The following RIN3 variants were observed in gnomAD, a reference collection of about 807,000 sequenced individuals.
RIN3 encodes Ras and Rab interactor 3.
RIN3 carries 54 observed loss-of-function variants against 76.3 expected under a neutral mutation model. That is an observed-to-expected ratio of 0.71 (90% CI 0.57 to 0.89). The LOEUF is 0.89. Among genes scored for constraint, RIN3 ranks in the 40% least tolerant of loss-of-function variants. RIN3 has a pLI of 0.00. For missense variants in RIN3, 1,256 were observed against 1,322.1 expected, an observed-to-expected ratio of 0.95 and a Z score of 0.78; for synonymous variants, 576 against 564.0, an observed-to-expected ratio of 1.02 and a Z score of -0.30.
At chr14:92,549,827 A>T (rs1486710414) in intron 1 of RIN3, among the ~76,000 whole-genome samples, 1 of 152,144 alleles carries the variant, frequency 6.6e-6, no homozygotes, top group Admixed American at 6.5e-5. Flanking sequence ...TCTATTCCCC[A>T]TGAGTGGGAG....
intron 1 of RIN3, among the ~76,000 whole-genome samples, chr14:92,551,724 T>C (rs141250763): frequency 6.6e-6 from 1 of 152,366 alleles, no homozygotes; most frequent in East Asian, 1.9e-4. Flanking sequence ...TTTTTTCACC[T>C]GCTTATTGTC....
intron 1 of RIN3, among the ~76,000 whole-genome samples, chr14:92,537,161 A>G (rs1472637270): frequency 6.6e-6 from 1 of 152,120 alleles, no homozygotes; most frequent in East Asian, 1.9e-4. Flanking sequence ...TTTCTTTCCA[A>G]CAAGGGAGTA....
chr14:92,570,305 G>T (rs1898028593), intron 2 of RIN3, among the ~76,000 whole-genome samples: 1 of 135,330 alleles, frequency 7.4e-6, no homozygotes, highest in African/African-American at 2.8e-5. Context: ...GCACCCCAGA[G>T]TTCCCTCGTG....
intron 3 of RIN3, among the ~76,000 whole-genome samples, chr14:92,582,248 G>A (rs538398270): frequency 1.1e-3 from 173 of 152,158 alleles, no homozygotes; most frequent in Non-Finnish European, 2.4e-4. Flanking sequence ...TTCCTCCCAG[G>A]GCCGTGTGGC....
chr14:92,584,551 G>A (rs1468740071), intron 3 of RIN3, among the ~76,000 whole-genome samples: 4 of 152,186 alleles, frequency 2.6e-5, no homozygotes, highest in Non-Finnish European at 5.9e-5. Context: ...TGCACAAAGG[G>A]AACAAGAGAT....
chr14:92,519,011 C>G (rs774419839), intron 1 of RIN3, among the ~76,000 whole-genome samples: 11 of 152,110 alleles, frequency 7.2e-5, no homozygotes, highest in Non-Finnish European at 1.0e-4. Context: ...CCCTCTGGAC[C>G]TCATTTTCCC....
At chr14:92,583,669 A>G (rs752814138) in intron 3 of RIN3, among the ~76,000 whole-genome samples, 2 of 152,268 alleles carry the variant, frequency 1.3e-5, no homozygotes, top group South Asian at 4.1e-4. Context: ...GAAGTAACCT[A>G]GAAATGATTT....
intron 6 of RIN3, 92 bp downstream of exon 6, chr14:92,653,167 G>GGCACCAACAGCGTCC: frequency 7.4e-7 from 1 of 1,342,738 alleles, no homozygotes; most frequent in Non-Finnish European, 9.9e-7. Context: ...CTATGCAGTG[G>GGCACCAACAGCGTCC]ACGCTGTTGG....
intron 4 of RIN3, among the ~76,000 whole-genome samples, chr14:92,629,145 G>GAC (rs1472753973): frequency 2.9e-5 from 4 of 136,714 alleles, no homozygotes; most frequent in African/African-American, 5.6e-5. Flanking sequence ...GAGAGAGAGA[G>GAC]AGAGAGAGAT....
chr14:92,676,333 GA>G, intron 7 of RIN3, 141 bp from the exon 8 acceptor site: 1 of 977,446 alleles, frequency 1.0e-6, no homozygotes, highest in African/African-American at 1.6e-5. Flanking sequence ...TCTCTGTCCT[GA>G]GAGTCATGAG....
intron 1 of RIN3, among the ~76,000 whole-genome samples, chr14:92,539,717 C>T (rs1897089194): frequency 6.6e-6 from 1 of 152,082 alleles, no homozygotes; most frequent in African/African-American, 2.4e-5. Flanking sequence ...GTGGCTAGGA[C>T]CTTTGAACCA....
chr14:92,591,775 G>GAACA (rs141348674), intron 3 of RIN3, among the ~76,000 whole-genome samples: 2 of 151,942 alleles, frequency 1.3e-5, no homozygotes, highest in African/African-American at 4.8e-5. Flanking sequence ...AGACTTTCTC[G>GAACA]AACAAACAAA....
chr14:92,645,584 C>T (rs946738141), intron 5 of RIN3, among the ~76,000 whole-genome samples: 10 of 152,128 alleles, frequency 6.6e-5, no homozygotes, highest in Admixed American at 2.0e-4. Context: ...AGCAGATTGG[C>T]GATTGCCAGG....
chr14:92,641,407 TG>T, intron 5 of RIN3, 78 bp downstream of exon 5: 1 of 1,083,004 alleles, frequency 9.2e-7, no homozygotes, highest in Non-Finnish European at 1.4e-6. Context: ...AGGGGCCGCC[TG>T]TGCAGAGGGA....
chr14:92,613,386 G>A (rs1885822201), intron 3 of RIN3, among the ~76,000 whole-genome samples: 1 of 152,140 alleles, frequency 6.6e-6, no homozygotes, highest in Admixed American at 6.5e-5. Context: ...AATACCTCCT[G>A]TACCACCATC....
intron 6 of RIN3, among the ~76,000 whole-genome samples, chr14:92,654,439 C>T (rs1038180096): frequency 6.6e-6 from 1 of 152,234 alleles, no homozygotes; most frequent in African/African-American, 2.4e-5. Flanking sequence ...CTGCCCCAGC[C>T]GTCCCCTGGC....
At position 92,621,565 on chromosome 14, in the gene RIN3, G is replaced by A. The variant is rs576470662; in HGVS notation, c.440+6086G>A. On this transcript the variant is annotated intron_variant, in intron 4 of 9. Coordinates refer to ENST00000216487, the MANE Select transcript of RIN3 (RefSeq NM_024832.5). ...TTGGGGGTGGGGAGCAGTGTTCCAG[G>A]CTATAGGTAAATTTAAACATTTTAT... 8.5e-5 allele frequency among the ~76,000 whole-genome samples: 13 copies of A among 152,292 alleles called. No individual in the cohort carries two copies. In the South Asian group the frequency reaches 2.7e-3, roughly 32 times the overall value.
At chr14:92,522,755 T>C (rs1041346548) in intron 1 of RIN3, among the ~76,000 whole-genome samples, 1 of 152,172 alleles carries the variant, frequency 6.6e-6, no homozygotes, top group African/African-American at 2.4e-5. Flanking sequence ...GGCCCCTGAA[T>C]TTTTGCTGGG....
chr14:92,534,609 A>C (rs1896955473), intron 1 of RIN3, among the ~76,000 whole-genome samples: 1 of 151,532 alleles, frequency 6.6e-6, no homozygotes, highest in African/African-American at 2.4e-5. Context: ...ACAAAAAGAA[A>C]GAAAGAAAGA....
Sources: gnomAD v4.1 joint callset for allele counts (sites outside exome capture counted in the v4.1 genomes callset) on GRCh38, gnomAD v4.1.1 for gene constraint, MANE v1.5 for transcripts, NCBI Gene and HGNC (gene_info 2026-07-23, HGNC 2026-07-21) for gene names.